The following PARD3 variants were observed in gnomAD, a reference collection of about 807,000 sequenced individuals.
PARD3 encodes the protein partitioning defective 3 homolog.
Under a neutral mutation model 155.4 loss-of-function variants are expected in PARD3, and 75 were observed. That is an observed-to-expected ratio of 0.48 (90% CI 0.40 to 0.58). The LOEUF is 0.58. PARD3 is among the 20% of genes least tolerant of loss of function. The pLI is 0.00. For synonymous variants in PARD3, 576 were observed against 610.5 expected, an observed-to-expected ratio of 0.94 and a Z score of 0.83; for missense variants, 1,642 against 1,721.7, an observed-to-expected ratio of 0.95 and a Z score of 0.82.
intron 22 of PARD3, among the ~76,000 whole-genome samples, chr10:34,247,459 G>A (rs987315462): frequency 5.3e-5 from 8 of 152,084 alleles, no homozygotes; most frequent in Non-Finnish European, 7.4e-5. Context: ...CCAAGATCAC[G>A]CCACTGCACT....
At chr10:34,564,828 T>C (rs1381011754) in intron 2 of PARD3, among the ~76,000 whole-genome samples, 1 of 152,216 alleles carries the variant, frequency 6.6e-6, no homozygotes. Context: ...TTGCAAGCCA[T>C]TAATATAATT....
In PARD3 at chr10:34,454,462, C is replaced by T. The variant is rs183664849; in HGVS notation, c.583-4014G>A. On this transcript the variant is annotated intron_variant, in intron 4 of 24. Coordinates refer to ENST00000374788, the MANE Select transcript of PARD3 (RefSeq NM_001184785.2). ...AATTGTTAAAATATGGCACTCGTAA[C>T]CAATCTATTCAAGACTATATATGCT... Among the ~76,000 whole-genome samples the T allele has an allele frequency of 2.0e-5, 3 of 151,826 alleles. No individual in the cohort carries two copies. The East Asian group carries it at 5.8e-4, about 29-fold the overall frequency.
chr10:34,551,032 T>C (rs903131881), intron 2 of PARD3, among the ~76,000 whole-genome samples: 2 of 152,110 alleles, frequency 1.3e-5, no homozygotes, highest in East Asian at 3.8e-4. Flanking sequence ...CTGAGTCCAG[T>C]TACAAAAATA....
chr10:34,527,192 A>G (rs74132048), intron 2 of PARD3, among the ~76,000 whole-genome samples: 2,632 of 152,350 alleles, frequency 0.017, 86 homozygotes, highest in African/African-American at 0.06. Context: ...AAACTTCTCC[A>G]CACAATGTTA....
intron 1 of PARD3, among the ~76,000 whole-genome samples, chr10:34,778,233 G>A (rs1245781649): frequency 6.6e-6 from 1 of 152,208 alleles, no homozygotes; most frequent in Non-Finnish European, 1.5e-5. Flanking sequence ...ATTTAAGCTT[G>A]TGGTATCTCC....
At chr10:34,549,073 G>A (rs771847840) in intron 2 of PARD3, among the ~76,000 whole-genome samples, 4 of 152,176 alleles carry the variant, frequency 2.6e-5, no homozygotes, top group Non-Finnish European at 5.9e-5. Flanking sequence ...GTTTGTAGCC[G>A]ATATTTTCGC....
At chr10:34,360,295 C>T (rs756389554) in intron 12 of PARD3, 36 bp from the exon 13 acceptor site, 5 of 1,453,992 alleles carry the variant, frequency 3.4e-6, no homozygotes, top group Admixed American at 1.7e-5. Context: ...ACATTATAGT[C>T]CAATGTTTCT....
intron 5 of PARD3, among the ~76,000 whole-genome samples, chr10:34,432,811 G>T (rs1208533825): frequency 6.6e-6 from 1 of 152,068 alleles, no homozygotes; most frequent in African/African-American, 2.4e-5. Flanking sequence ...ACAGGAAGAG[G>T]AACTAAAGTA....
At chr10:34,318,044 A>C (rs1958121110) in intron 19 of PARD3, among the ~76,000 whole-genome samples, 1 of 152,192 alleles carries the variant, frequency 6.6e-6, no homozygotes, top group Non-Finnish European at 1.5e-5. Context: ...AAAATGAGTA[A>C]ATCAATAAGT....
chr10:34,733,290 T>C (rs149691167), intron 1 of PARD3, among the ~76,000 whole-genome samples: 1,829 of 152,294 alleles, frequency 0.012, 17 homozygotes, highest in Middle Eastern at 0.031. Flanking sequence ...CCCAGTATCA[T>C]TGACAGTGAC....
chr10:34,619,270 G>C (rs749923364), intron 2 of PARD3, among the ~76,000 whole-genome samples: 2 of 151,832 alleles, frequency 1.3e-5, no homozygotes, highest in African/African-American at 2.4e-5. Flanking sequence ...GGCTGGTCTC[G>C]AACTGCTGAC....
chr10:34,678,779 G>A (rs1414588686), intron 2 of PARD3, among the ~76,000 whole-genome samples: 1 of 151,664 alleles, frequency 6.6e-6, no homozygotes, highest in African/African-American at 2.4e-5. Flanking sequence ...TAAACACAAA[G>A]AGTAAGCATG....
At chr10:34,798,918 C>T (rs1432354072) in intron 1 of PARD3, among the ~76,000 whole-genome samples, 1 of 152,186 alleles carries the variant, frequency 6.6e-6, no homozygotes, top group African/African-American at 2.4e-5. Context: ...GCTGCACAGA[C>T]AACCACCTGA....
At chr10:34,235,615 G>A (rs761805253) in intron 22 of PARD3, among the ~76,000 whole-genome samples, 2 of 152,158 alleles carry the variant, frequency 1.3e-5, no homozygotes, top group African/African-American at 2.4e-5. Context: ...GAGTTCTAAT[G>A]ACTGACATAA....
chr10:34,614,949 C>T (rs1029673286), intron 2 of PARD3, among the ~76,000 whole-genome samples: 6 of 152,110 alleles, frequency 3.9e-5, no homozygotes, highest in East Asian at 1.9e-4. Flanking sequence ...GAGGCCAAGA[C>T]GGGTGGATCA....
At chr10:34,765,331 G>C (rs1206325288) in intron 1 of PARD3, among the ~76,000 whole-genome samples, 1 of 152,148 alleles carries the variant, frequency 6.6e-6, no homozygotes, top group Non-Finnish European at 1.5e-5. Context: ...GAGAAAGAAA[G>C]CCACATTACA....
intron 2 of PARD3, among the ~76,000 whole-genome samples, chr10:34,558,445 T>C (rs1224218472): frequency 1.3e-5 from 2 of 152,200 alleles, no homozygotes; most frequent in Admixed American, 1.3e-4. Flanking sequence ...TTCCTCAAAG[T>C]GTTAAGTCAA....
In PARD3 at chr10:34,214,869, G is replaced by A. The variant is rs17553026; in HGVS notation, c.3419+54788C>T. Among the ~76,000 whole-genome samples the A allele has an allele frequency of 8.6e-3, 1,314 of 152,184 alleles. 6 individuals are homozygous for A. The highest frequency in any genetic ancestry group is 0.024 in the Middle Eastern group (7 of 294). ...AGAGGAATTCTCAGTACTTCGAAGA[G>A]TCTAGGCCCCTTGAAAAAAAATCTA... On this transcript the variant is annotated intron_variant, in intron 22 of 24. Coordinates refer to ENST00000374788, the MANE Select transcript of PARD3 (RefSeq NM_001184785.2).
At chr10:34,355,924 CAAAAAAAAAAAAA>C (rs869284165) in intron 14 of PARD3, among the ~76,000 whole-genome samples, 2 of 42,726 alleles carry the variant, frequency 4.7e-5, no homozygotes, top group African/African-American at 1.7e-4. Context: ...CACTCCGTCT[CAAAAAAAAAAAAA>C]AAAAAAAAAC....
Sources: allele counts gnomAD v4.1 joint callset (sites outside exome capture counted in the v4.1 genomes callset), GRCh38; gene constraint gnomAD v4.1.1; transcripts MANE v1.5; gene names NCBI Gene and HGNC (gene_info 2026-07-23, HGNC 2026-07-21).